ZNF343: variants seen among roughly 807,000 people sequenced by gnomAD.
ZNF343 encodes zinc finger protein 343.
A neutral mutation model predicts 13.8 loss-of-function variants in ZNF343; 11 were observed. The ratio of observed to expected loss-of-function variants is 0.80; its 90% CI spans 0.50 to 1.32. ZNF343 has a LOEUF of 1.32. Among genes scored for constraint, ZNF343 ranks in the 40% most tolerant of loss-of-function variants. The pLI is 0.00. For synonymous variants in ZNF343, 248 were observed against 260.0 expected, an observed-to-expected ratio of 0.95 and a Z score of 0.44; for missense variants, 658 against 714.2, an observed-to-expected ratio of 0.92 and a Z score of 0.90.
intron 1 of ZNF343, among the ~76,000 whole-genome samples, chr20:2,501,992 G>A (rs549640819): frequency 5.1e-4 from 78 of 152,322 alleles, no homozygotes; most frequent in Middle Eastern, 6.8e-3. Context: ...AGAGAAGAAG[G>A]CTTCAGACGA....
rs376530858 is a variant in ZNF343, at chr20:2,518,226, A to G, written c.-347+6229T>C. Among the ~76,000 whole-genome samples, 2 of 152,146 alleles carry G rather than the reference A, an allele frequency of 1.3e-5. No homozygotes were observed. The highest frequency in any genetic ancestry group is 3.9e-4 in the East Asian group (2 of 5,180). On this transcript the variant is annotated intron_variant, in intron 1 of 6. Transcript: ENST00000358413. This position sits in a 1 kb window ranked among gnomAD's most constrained non-coding sequence, Gnocchi z 4.6. ...GAGACGTAGTTTCGCCATGTTGACC[A>G]GGCTTGTCTTGAACTCCTGAACTCA... is the stretch of plus-strand genomic sequence containing the variant.
intron 1 of ZNF343, among the ~76,000 whole-genome samples, chr20:2,515,398 T>C (rs2085755009): frequency 6.6e-6 from 1 of 152,226 alleles, no homozygotes; most frequent in Non-Finnish European, 1.5e-5. Flanking sequence ...AAAATATGTA[T>C]TGTTATATGG....
At chr20:2,485,865 G>C (rs2085273642) in intron 5 of ZNF343, among the ~76,000 whole-genome samples, 1 of 152,222 alleles carries the variant, frequency 6.6e-6, no homozygotes, top group South Asian at 2.1e-4. Flanking sequence ...TTGTCTGGCA[G>C]CCTTGCCATG....
intron 1 of ZNF343, among the ~76,000 whole-genome samples, chr20:2,507,816 T>G (rs2085688329): frequency 6.6e-6 from 1 of 152,126 alleles, no homozygotes; most frequent in African/African-American, 2.4e-5. Flanking sequence ...GGTTTAAAAT[T>G]TGTCCCTACG....
intron 2 of ZNF343, among the ~76,000 whole-genome samples, chr20:2,495,045 C>T (rs1316941396): frequency 2.0e-5 from 3 of 152,216 alleles, no homozygotes; most frequent in Non-Finnish European, 4.4e-5. Context: ...TCCTCAGACG[C>T]TGTCCAGGAT....
chr20:2,500,927 G>A (rs892114587), intron 1 of ZNF343, among the ~76,000 whole-genome samples, 185 bp from the exon 2 acceptor site: 5 of 152,196 alleles, frequency 3.3e-5, no homozygotes, highest in East Asian at 1.9e-4. Context: ...CTGAGGTACC[G>A]GGTTTATCTC....
At chr20:2,515,269 T>G (rs2085754568) in intron 1 of ZNF343, among the ~76,000 whole-genome samples, 1 of 150,286 alleles carries the variant, frequency 6.7e-6, no homozygotes, top group African/African-American at 2.5e-5. Flanking sequence ...ATTTATGATA[T>G]TTGTGAAAAT....
intron 1 of ZNF343, among the ~76,000 whole-genome samples, chr20:2,506,196 G>A (rs1263585506): frequency 1.3e-5 from 2 of 152,176 alleles, no homozygotes; most frequent in Non-Finnish European, 2.9e-5. Context: ...AGGAAAAAAT[G>A]CCCATCATCA....
At position 2,483,774 on chromosome 20, in the gene ZNF343, A is replaced by C; in HGVS notation, c.1187T>G (p.Leu396Arg). The C allele has an allele frequency of 6.2e-7, 1 of 1,614,034 alleles. No individual in the cohort carries two copies. The highest frequency in any genetic ancestry group is 2.2e-5 in the East Asian group (1 of 44,878). ...TGAGTGTATCCTCTGGTGTTTTCTG[A>C]GGGTTGACTTATCACAAAAGCTTCG... ...CGRSFCDKST[L>R]RKHQRIHSGE... Residue 396 changes from leucine (L) to arginine (R), a missense_variant, in exon 6 of 6, where the codon CTC becomes CGC. Physicochemically the swap from Leu to Arg is moderately radical, Grantham distance 102 (BLOSUM62 -2). Transcript: ENST00000278772.
intron 1 of ZNF343, among the ~76,000 whole-genome samples, chr20:2,505,740 T>G (rs1202134943): frequency 1.3e-5 from 2 of 152,186 alleles, no homozygotes; most frequent in Non-Finnish European, 2.9e-5. Flanking sequence ...GCTAGCCATA[T>G]GTAGAAAGCT....
rs1441126915 is a variant in ZNF343 at position 2,518,111 on chromosome 20, T to C, written c.-347+6344A>G. 6.6e-6 allele frequency among the ~76,000 whole-genome samples: 1 copy of C among 151,790 alleles called. No individual in the cohort carries two copies. Among genetic ancestry groups the C allele is most frequent in the Non-Finnish European group, 1.5e-5 (1 of 67,966 alleles). On this transcript the variant is annotated intron_variant, in intron 1 of 6. Coordinates refer to the ZNF343 transcript ENST00000358413. The surrounding 1 kb of genome is among the most constrained non-coding windows in gnomAD (Gnocchi z 4.6). ...TCACTGTAACCTCTGCCTCCCAGGC[T>C]CAAGTGATTCCCCTTCCTCAGCTTT...
intron 1 of ZNF343, among the ~76,000 whole-genome samples, chr20:2,521,949 T>C (rs1380046811): frequency 6.6e-6 from 1 of 152,220 alleles, no homozygotes; most frequent in African/African-American, 2.4e-5. Context: ...TCAGCTTCTT[T>C]GCACATGTAA....
intron 1 of ZNF343, among the ~76,000 whole-genome samples, chr20:2,514,415 G>T (rs1442094492): frequency 6.6e-6 from 1 of 152,036 alleles, no homozygotes; most frequent in Non-Finnish European, 1.5e-5. Context: ...ATCTTCAAAA[G>T]GATTCAAAAG....
At chr20:2,504,115 A>T (rs559417057) in intron 1 of ZNF343, among the ~76,000 whole-genome samples, 1 of 152,336 alleles carries the variant, frequency 6.6e-6, no homozygotes, top group East Asian at 1.9e-4. Context: ...GCAATAAAAA[A>T]TGATAAAGGG....
chr20:2,514,441 A>G (rs1428797066), intron 1 of ZNF343, among the ~76,000 whole-genome samples: 1 of 152,248 alleles, frequency 6.6e-6, no homozygotes, highest in East Asian at 1.9e-4. Context: ...AAGATGCTCA[A>G]AACTTCAAAG....
intron 5 of ZNF343, among the ~76,000 whole-genome samples, chr20:2,491,272 C>T (rs1224672605): frequency 6.6e-6 from 1 of 151,846 alleles, no homozygotes. Context: ...AAAGACAGTA[C>T]AAAAAAATAA....
At chr20:2,517,659 G>T (rs548738262) in intron 1 of ZNF343, among the ~76,000 whole-genome samples, 62 of 150,084 alleles carry the variant, frequency 4.1e-4, no homozygotes, top group African/African-American at 1.5e-3. Context: ...ACACCACCAT[G>T]CCTGGCTAGT....
At chr20:2,509,805 T>C (rs976496468), upstream of ZNF343, among the ~76,000 whole-genome samples, 4 of 152,310 alleles carry the variant, frequency 2.6e-5, no homozygotes, top group Non-Finnish European at 2.9e-5. Context: ...TAATGGCAAA[T>C]ACAAATTGAA....
chr20:2,506,346 G>A (rs561925516), intron 1 of ZNF343, among the ~76,000 whole-genome samples: 17 of 152,186 alleles, frequency 1.1e-4, no homozygotes, highest in African/African-American at 3.9e-4. Context: ...CACTGTTGGT[G>A]GGACTGTAAA....
Sources: gnomAD v4.1 joint callset for allele counts (sites outside exome capture counted in the v4.1 genomes callset) on GRCh38, gnomAD v4.1.1 for gene constraint, Gnocchi (gnomAD v3.1) non-coding constraint, MANE v1.5 for transcripts, NCBI Gene and HGNC (gene_info 2026-07-23, HGNC 2026-07-21) for gene names.